Variants in EIF2AK2 observed in about 807,000 individuals in gnomAD.
EIF2AK2 encodes interferon-induced, double-stranded RNA-activated protein kinase.
EIF2AK2 carries 40 observed loss-of-function variants against 70.5 expected under a neutral mutation model. The observed-to-expected ratio is 0.57, with a 90% CI of 0.44 to 0.74. The LOEUF (loss-of-function observed/expected upper bound fraction) is 0.74, where lower values mean the gene tolerates loss of function less well. Ranked by LOEUF, EIF2AK2 falls within the 30% of genes least tolerant of loss-of-function variation. EIF2AK2 has a pLI of 0.00. For missense variants in EIF2AK2, 555 were observed against 644.3 expected (o/e 0.86, Z 1.50); for synonymous variants, 198 against 220.9 (o/e 0.90, Z 0.92).
Position 37,109,182 on chromosome 2 carries a change from A to T in EIF2AK2, c.1479+12T>A, listed in dbSNP as rs1674063074. 1.2e-6 allele frequency: 2 copies of T among 1,612,474 alleles called. No individual in the cohort carries two copies. The highest frequency in any genetic ancestry group is 4.5e-5 in the East Asian group (2 of 44,838). On this transcript the variant is annotated intron_variant, in intron 15 of 16. Transcript: ENST00000233057. Reference sequence around the variant, plus strand: ...TTTTTCTTGTTTAATTCTTTCTTTGAGATAATTTTACCTTTGATGTTTCAA... The same window carrying T: ...TTTTTCTTGTTTAATTCTTTCTTTGTGATAATTTTACCTTTGATGTTTCAA...
At position 37,104,810 on chromosome 2, in the gene EIF2AK2, A is replaced by G. The variant is rs1257671361; in HGVS notation, c.*2463T>C. On this transcript the variant is annotated 3_prime_UTR_variant, in exon 17 of 17. Transcript: ENST00000233057. ...TTTCCTCATGATTAAATTCCAGTTT[A>G]ACACTTTGTGCAAGAAAACTAAATA... 6.6e-6 allele frequency: 1 copy of G among 152,118 alleles called. No individual in the cohort carries two copies. The highest frequency in any genetic ancestry group is 1.9e-4 in the East Asian group (1 of 5,184). The allele number at this position is 152,118 out of a possible 1,614,324, so 9.4% of individuals were successfully genotyped here.
At chr2:37,147,167 T>C (rs954687674) in intron 3 of EIF2AK2, among the ~76,000 whole-genome samples, 194 bp from the exon 4 acceptor site, 2 of 152,178 alleles carry the variant, frequency 1.3e-5, no homozygotes, top group African/African-American at 4.8e-5. Flanking sequence ...TACCCTCTTT[T>C]CTCTCTGGAG....
At chr2:37,117,534 A>G (rs1203256188) in intron 13 of EIF2AK2, among the ~76,000 whole-genome samples, 1 of 152,092 alleles carries the variant, frequency 6.6e-6, no homozygotes, top group Admixed American at 6.5e-5. Context: ...GAGACCTTGT[A>G]AAACACAAAA....
intron 4 of EIF2AK2, among the ~76,000 whole-genome samples, chr2:37,144,694 G>A (rs1443426621): frequency 1.3e-5 from 2 of 150,594 alleles, no homozygotes; most frequent in Non-Finnish European, 3.0e-5. Flanking sequence ...TGATCCTCCC[G>A]CCTAGCCTCC....
At chr2:37,129,396 G>A (rs570446197) in intron 10 of EIF2AK2, among the ~76,000 whole-genome samples, 1 of 152,088 alleles carries the variant, frequency 6.6e-6, no homozygotes, top group Non-Finnish European at 1.5e-5. Flanking sequence ...ACGATGGAAT[G>A]CCCTCAACAG....
In EIF2AK2 at chr2:37,101,874, G is replaced by C. The variant is rs1454113475; in HGVS notation, c.*5399C>G. The C allele has an allele frequency of 6.6e-6, 1 of 152,110 alleles. No homozygotes were observed. The allele number at this position is 152,110 out of a possible 1,614,324, so 9.4% of individuals were successfully genotyped here. A position where few individuals can be genotyped will look rare whatever the true frequency, so the allele number is the denominator to read the frequency against. The stretch of plus-strand genomic sequence containing the variant: ...TTTTGAGTGTGACAATGATGCTGTG[G>C]TTTTGTTAAAAAGATTTATCTGCTA... On this transcript the variant is annotated 3_prime_UTR_variant, in exon 17 of 17. Transcript: ENST00000233057.
chr2:37,124,258 G>T (rs1202789849), intron 11 of EIF2AK2, among the ~76,000 whole-genome samples: 4 of 151,570 alleles, frequency 2.6e-5, no homozygotes, highest in Non-Finnish European at 5.9e-5. Context: ...CTGAGCCACT[G>T]CACCCAGCCA....
chr2:37,125,034 G>C (rs1051020145), intron 11 of EIF2AK2, among the ~76,000 whole-genome samples: 1 of 151,170 alleles, frequency 6.6e-6, no homozygotes, highest in Non-Finnish European at 1.5e-5. Context: ...TTTTTTGAGA[G>C]GGAGTTTCGC....
chr2:37,124,940 C>G (rs1038166931), intron 11 of EIF2AK2, among the ~76,000 whole-genome samples: 14 of 151,980 alleles, frequency 9.2e-5, no homozygotes, highest in African/African-American at 3.1e-4. Flanking sequence ...TTGCCCCAGG[C>G]TAGTCTCAAA....
chr2:37,121,064 C>T (rs571373572), intron 12 of EIF2AK2, among the ~76,000 whole-genome samples: 2 of 148,368 alleles, frequency 1.3e-5, no homozygotes, highest in South Asian at 4.4e-4. Context: ...GAGATCAAGA[C>T]CATCCTGGCT....
intron 15 of EIF2AK2, among the ~76,000 whole-genome samples, chr2:37,108,304 T>C (rs2148662737): frequency 6.6e-6 from 1 of 152,250 alleles, no homozygotes; most frequent in East Asian, 1.9e-4. Flanking sequence ...TATACTCCAA[T>C]ACAACTTACA....
intron 14 of EIF2AK2, among the ~76,000 whole-genome samples, chr2:37,111,055 G>A (rs1674126152): frequency 6.6e-6 from 1 of 152,184 alleles, no homozygotes; most frequent in Non-Finnish European, 1.5e-5. Context: ...AGTAACAAAA[G>A]GGTAAATACC....
At position 37,108,064 on chromosome 2, in the gene EIF2AK2, T is replaced by C. The variant is rs141235891; in HGVS notation, c.1480-537A>G. 3.2e-3 allele frequency among the ~76,000 whole-genome samples: 485 copies of C among 151,484 alleles called. 5 individuals are homozygous for C. Among genetic ancestry groups the C allele is most frequent in the African/African-American group, 1.0e-2 (410 of 41,198 alleles). On this transcript the variant is annotated intron_variant, in intron 15 of 16. Transcript: ENST00000233057. ...GGGAGGCTGAGGCAGGAGAATTGCT[T>C]GAACCTGGGAGGCAGAAGTTACAGT... is the stretch of plus-strand genomic sequence containing the variant.
In EIF2AK2 at chr2:37,105,109, A is replaced by G. The variant is rs1251899941; in HGVS notation, c.*2164T>C. On this transcript the variant is annotated 3_prime_UTR_variant, in exon 17 of 17. Transcript: ENST00000233057. ...TATGAACACTTTTTAAAGCCTTTAT[A>G]AAACTATTTTCTCTTACTGTATTTT... The G allele has an allele frequency of 6.6e-6, 1 of 152,254 alleles. No individual in the cohort carries two copies. Among genetic ancestry groups the G allele is most frequent in the African/African-American group, 2.4e-5 (1 of 41,466 alleles). The allele number at this position is 152,254 out of a possible 1,614,324, so 9.4% of individuals were successfully genotyped here. A position where few individuals can be genotyped will look rare whatever the true frequency, so the allele number is the denominator to read the frequency against.
intron 1 of EIF2AK2, among the ~76,000 whole-genome samples, chr2:37,154,917 TCTTCAA>T (rs1246895126): frequency 6.9e-6 from 1 of 144,682 alleles, no homozygotes; most frequent in Non-Finnish European, 1.5e-5. Flanking sequence ...TCCTGGTTCA[TCTTCAA>T]CTTCTTTTCT....
chr2:37,141,441 G>T, intron 5 of EIF2AK2, 112 bp downstream of exon 5: 2 of 1,252,664 alleles, frequency 1.6e-6, no homozygotes, highest in African/African-American at 1.5e-5. Flanking sequence ...GTAAAACCTT[G>T]CATACAGAAT....
intron 2 of EIF2AK2, among the ~76,000 whole-genome samples, chr2:37,148,356 G>T (rs944625247): frequency 5.3e-5 from 8 of 152,178 alleles, no homozygotes; most frequent in African/African-American, 1.9e-4. Context: ...TATAATAAGT[G>T]AAGTGGAGTG....
chr2:37,155,840 C>G (rs1327939404), intron 1 of EIF2AK2, among the ~76,000 whole-genome samples: 1 of 151,144 alleles, frequency 6.6e-6, no homozygotes, highest in East Asian at 1.9e-4. Flanking sequence ...ACCTGGGAGG[C>G]TGAGGAAGGA....
intron 6 of EIF2AK2, among the ~76,000 whole-genome samples, chr2:37,139,133 T>C (rs768100066): frequency 5.9e-5 from 9 of 151,342 alleles, no homozygotes; most frequent in South Asian, 4.2e-4. Flanking sequence ...CTGGCCAACA[T>C]AGTGAAACCC....
Sources: gnomAD v4.1 joint callset for allele counts (sites outside exome capture counted in the v4.1 genomes callset) on GRCh38, gnomAD v4.1.1 for gene constraint, MANE v1.5 for transcripts, NCBI Gene and HGNC (gene_info 2026-07-23, HGNC 2026-07-21) for gene names.